MINDY4: variants seen among roughly 807,000 people sequenced by gnomAD.
MINDY4 encodes the protein probable ubiquitin carboxyl-terminal hydrolase MINDY-4.
Under a neutral mutation model 87.0 loss-of-function variants are expected in MINDY4, and 68 were observed. The ratio of observed to expected loss-of-function variants is 0.78; its 90% CI spans 0.64 to 0.96. MINDY4 has a LOEUF of 0.96. MINDY4 is among the 40% of genes least tolerant of loss of function. MINDY4 has a pLI of 0.00. For missense variants in MINDY4, 919 were observed against 928.2 expected, an observed-to-expected ratio of 0.99 and a Z score of 0.13; for synonymous variants, 379 against 363.2, an observed-to-expected ratio of 1.04 and a Z score of -0.50.
intron 5 of MINDY4, among the ~76,000 whole-genome samples, chr7:30,826,784 T>G (rs1261127213): frequency 6.6e-6 from 1 of 152,244 alleles, no homozygotes; most frequent in East Asian, 1.9e-4. Context: ...GTGAAATAAG[T>G]GCTTCATAAA....
intron 17 of MINDY4, among the ~76,000 whole-genome samples, chr7:30,891,624 C>A (rs551116824): frequency 3.3e-5 from 5 of 152,196 alleles, no homozygotes; most frequent in Non-Finnish European, 7.3e-5. Flanking sequence ...TGGAGAGCGG[C>A]TGGTCCAGAT....
At chr7:30,877,377 C>T (rs1297390333) in intron 15 of MINDY4, among the ~76,000 whole-genome samples, 3 of 152,172 alleles carry the variant, frequency 2.0e-5, no homozygotes, top group African/African-American at 7.2e-5. Context: ...GTCATCCTTC[C>T]CTTGTAATAA....
chr7:30,771,767 G>T (rs918036891), intron 1 of MINDY4, among the ~76,000 whole-genome samples: 1 of 152,230 alleles, frequency 6.6e-6, no homozygotes, highest in Non-Finnish European at 1.5e-5. Context: ...GGGCGCTTCC[G>T]CAAGGCACGG....
In MINDY4 at chr7:30,839,315, AG is replaced by A. The variant is rs1463233222; in HGVS notation, c.1356+1del. ...TTAAAATACGGCATAGTGCAGAACA[AG>A]GCAGGTTGCTCCTAGGTTTCCTTGG... ...ASLKYGIVQN[K>X]GGPCGVLAAV... On this transcript the variant is annotated frameshift_variant and splice_region_variant, in exon 8 of 18. Coordinates refer to ENST00000265299, the MANE Select transcript of MINDY4 (RefSeq NM_032222.3). LOFTEE classifies it high-confidence loss of function. 6.3e-7 allele frequency: 1 copy of A among 1,576,230 alleles called. No individual in the cohort carries two copies. Among genetic ancestry groups the A allele is most frequent in the African/African-American group, 1.4e-5 (1 of 73,276 alleles).
intron 5 of MINDY4, among the ~76,000 whole-genome samples, chr7:30,806,354 T>C (rs1787804853): frequency 6.6e-6 from 1 of 152,242 alleles, no homozygotes; most frequent in South Asian, 2.1e-4. Context: ...TTTTAGCCTC[T>C]TTTAACTTTT....
chr7:30,816,565 G>A (rs1255275533), intron 5 of MINDY4, among the ~76,000 whole-genome samples: 1 of 152,186 alleles, frequency 6.6e-6, no homozygotes, highest in African/African-American at 2.4e-5. Flanking sequence ...TGGGCCCGAT[G>A]GCTTTTCCAG....
At chr7:30,778,665 A>G (rs956557167) in intron 2 of MINDY4, 114 bp downstream of exon 2, 31 of 1,277,440 alleles carry the variant, frequency 2.4e-5, no homozygotes, top group Non-Finnish European at 3.5e-5. Flanking sequence ...GGCCTGTCAC[A>G]CTTGCGGTCA....
intron 13 of MINDY4, among the ~76,000 whole-genome samples, chr7:30,868,015 G>A (rs1789992528): frequency 6.6e-6 from 1 of 152,254 alleles, no homozygotes; most frequent in South Asian, 2.1e-4. Flanking sequence ...CAGGGGCCGA[G>A]TGGACGCTGG....
At chr7:30,771,729 C>G (rs148125105) in intron 1 of MINDY4, among the ~76,000 whole-genome samples, 173 bp downstream of exon 1, 1 of 152,252 alleles carries the variant, frequency 6.6e-6, no homozygotes, top group Non-Finnish European at 1.5e-5. Context: ...AACTACATTT[C>G]CCACGAGGCG....
intron 1 of MINDY4, among the ~76,000 whole-genome samples, chr7:30,777,406 T>C (rs568411824): frequency 6.6e-6 from 1 of 152,356 alleles, no homozygotes; most frequent in Non-Finnish European, 1.5e-5. Flanking sequence ...CTCCTTCAAA[T>C]GGACTCTTCC....
intron 12 of MINDY4, chr7:30,858,316 CTT>C (rs1441197377): frequency 6.6e-6 from 1 of 152,156 alleles, no homozygotes; most frequent in Non-Finnish European, 1.5e-5. Flanking sequence ...GTTTGAAATG[CTT>C]TATAAGGATT....
chr7:30,865,679 GC>G (rs1222536821), intron 13 of MINDY4, among the ~76,000 whole-genome samples: 1 of 152,244 alleles, frequency 6.6e-6, no homozygotes, highest in East Asian at 1.9e-4. Flanking sequence ...AAGGGCCCTT[GC>G]TGCCATCTTA....
chr7:30,791,524 G>A lies in MINDY4; in HGVS notation c.1023G>A (p.Glu341=). ...LPGGNSRMTQ[E]RLERAFKRQG... The stretch of plus-strand genomic sequence containing the variant: ...GTGGTAATTCCAGGATGACCCAGGA[G>A]AGGCTGGAAAGAGCGTTCAAACGGC... Residue 341 remains glutamate (E), a synonymous_variant, in exon 5 of 18, where the codon GAG becomes GAA. Coordinates refer to ENST00000265299, the MANE Select transcript of MINDY4 (RefSeq NM_032222.3). 6.2e-7 allele frequency: 1 copy of A among 1,613,832 alleles called. No homozygotes were observed. Among genetic ancestry groups the A allele is most frequent in the Non-Finnish European group, 8.5e-7 (1 of 1,179,804 alleles).
intron 6 of MINDY4, among the ~76,000 whole-genome samples, chr7:30,832,430 C>T (rs1788733174): frequency 6.6e-6 from 1 of 152,242 alleles, no homozygotes; most frequent in Admixed American, 6.5e-5. Context: ...AATCACACAT[C>T]TCTTTTCCTC....
intron 4 of MINDY4, among the ~76,000 whole-genome samples, chr7:30,787,614 A>C (rs1787193681): frequency 1.3e-5 from 2 of 152,234 alleles, no homozygotes; most frequent in African/African-American, 2.4e-5. Context: ...TAGTAGCTCC[A>C]GACAGCACAG....
chr7:30,800,207 GGTATTACA>G (rs1395535378), intron 5 of MINDY4, among the ~76,000 whole-genome samples: 1 of 152,132 alleles, frequency 6.6e-6, no homozygotes, highest in Non-Finnish European at 1.5e-5. Flanking sequence ...CCAACCCCTA[GGTATTACA>G]GTAAAGATAA....
rs775234704 is a variant in MINDY4 at position 30,882,301 on chromosome 7, T to C, written c.2092T>C (p.Phe698Leu). The change falls in exon 16 of 18, where the codon TTT (phenylalanine) becomes CTT (leucine). Residue 698 changes from phenylalanine to leucine, a missense_variant. Transcript: ENST00000265299. ...GCGTGACTGGAGGACTGAGAGGCTC[T>C]TTGACTTGTACTACTACGATGGCCT... is the stretch of plus-strand genomic sequence containing the variant. ...LLRDWRTERL[F>L]DLYYYDGLAN... 4.3e-6 allele frequency: 7 copies of C among 1,613,758 alleles called. No individual in the cohort carries two copies. The highest frequency in any genetic ancestry group is 5.9e-6 in the Non-Finnish European group (7 of 1,179,842).
chr7:30,856,742 T>A (rs1789582615), intron 12 of MINDY4, among the ~76,000 whole-genome samples: 3 of 151,136 alleles, frequency 2.0e-5, no homozygotes, highest in Admixed American at 2.0e-4. Context: ...TGTGGCAGAT[T>A]AGGTAGGCTT....
chr7:30,825,489 A>T (rs1788470664), intron 5 of MINDY4, among the ~76,000 whole-genome samples: 1 of 152,208 alleles, frequency 6.6e-6, no homozygotes, highest in South Asian at 2.1e-4. Context: ...AGCCAAGGGA[A>T]CCACTTGGGA....
Sources: allele counts gnomAD v4.1 joint callset (sites outside exome capture counted in the v4.1 genomes callset), GRCh38; gene constraint gnomAD v4.1.1; transcripts MANE v1.5; gene names NCBI Gene and HGNC (gene_info 2026-07-23, HGNC 2026-07-21).